The following PDE12 variants were observed in gnomAD, a reference collection of about 807,000 sequenced individuals.
PDE12 encodes phosphodiesterase 12.
A neutral mutation model predicts 45.4 loss-of-function variants in PDE12; 26 were observed. The observed-to-expected ratio is 0.57, with a 90% CI of 0.42 to 0.79. PDE12 has a LOEUF of 0.79. Among genes scored for constraint, PDE12 ranks in the 30% least tolerant of loss-of-function variants. PDE12 has a pLI of 0.00. For missense variants in PDE12, 668 were observed against 790.0 expected, an observed-to-expected ratio of 0.85 and a Z score of 1.85; for synonymous variants, 283 against 323.9, an observed-to-expected ratio of 0.87 and a Z score of 1.36.
the PDE12 span, among the ~76,000 whole-genome samples, chr3:57,624,144 T>C: frequency 6.6e-6 from 1 of 151,614 alleles, no homozygotes; most frequent in Non-Finnish European, 1.5e-5. Flanking sequence ...TGTACCACCA[T>C]GTCTGACTAC....
chr3:57,632,454 GGCCTGA>G, the PDE12 span, among the ~76,000 whole-genome samples: 1 of 152,082 alleles, frequency 6.6e-6, no homozygotes, highest in East Asian at 1.9e-4. Flanking sequence ...CAAAGTGGCA[GGCCTGA>G]GCCACTGTGC....
chr3:57,585,945 A>G, the PDE12 span, among the ~76,000 whole-genome samples: 1 of 152,178 alleles, frequency 6.6e-6, no homozygotes, highest in Admixed American at 6.6e-5. Context: ...TACAGATGTG[A>G]ACCACTGTGT....
chr3:57,609,899 C>T, the PDE12 span, among the ~76,000 whole-genome samples: 2 of 152,102 alleles, frequency 1.3e-5, no homozygotes, highest in Non-Finnish European at 2.9e-5. Context: ...CCAGCATCAT[C>T]CTGATACCAA....
chr3:57,616,515 GAGA>G, the PDE12 span, among the ~76,000 whole-genome samples: 35 of 151,716 alleles, frequency 2.3e-4, no homozygotes, highest in Admixed American at 7.9e-4. Flanking sequence ...AGAGGAAGAG[GAGA>G]AGGAGAAGAA....
chr3:57,652,007 G>A, the PDE12 span, among the ~76,000 whole-genome samples: 2 of 151,828 alleles, frequency 1.3e-5, no homozygotes, highest in Non-Finnish European at 2.9e-5. Context: ...AGACTGGCCT[G>A]GGTAACATAG....
chr3:57,574,018 TG>T, the PDE12 span, among the ~76,000 whole-genome samples: 1 of 152,014 alleles, frequency 6.6e-6, no homozygotes, highest in African/African-American at 2.4e-5. Flanking sequence ...CTCGGCTCAC[TG>T]CAACCTCTGC....
the PDE12 span, among the ~76,000 whole-genome samples, chr3:57,599,409 C>T: frequency 1.3e-5 from 2 of 152,184 alleles, no homozygotes; most frequent in Non-Finnish European, 2.9e-5. Context: ...TTTCCTTTCA[C>T]ACTTTAGGCC....
At chr3:57,581,715 G>T in the PDE12 span, among the ~76,000 whole-genome samples, 2 of 152,086 alleles carry the variant, frequency 1.3e-5, no homozygotes, top group African/African-American at 2.4e-5. Context: ...CAGGAGAATC[G>T]CTTGAACCCA....
At chr3:57,642,313 CAAAAAAAAAAAAA>C in the PDE12 span, among the ~76,000 whole-genome samples, 7 of 67,564 alleles carry the variant, frequency 1.0e-4, no homozygotes, top group African/African-American at 1.5e-4. Flanking sequence ...GACTCTGTCT[CAAAAAAAAAAAAA>C]AAAAAAAAGC....
chr3:57,560,578 G>A lies in PDE12; in HGVS notation c.*574G>A, dbSNP rs2069718658. ...TGACCTCAGGTGATCCACCCACCTC[G>A]GCCTCCCAAAGTGTTGGGATTACAG... is the stretch of plus-strand genomic sequence containing the variant. On this transcript the variant is annotated 3_prime_UTR_variant, in exon 3 of 3. Transcript: ENST00000311180. 3.6e-6 allele frequency: 3 copies of A among 844,264 alleles called. No homozygotes were observed. The highest frequency in any genetic ancestry group is 1.8e-5 in the African/African-American group (1 of 54,384). The allele number at this position is 844,264 out of a possible 1,614,324, so 52.3% of individuals were successfully genotyped here.
chr3:57,628,179 C>T, the PDE12 span: 1 of 1,603,270 alleles, frequency 6.2e-7, no homozygotes, highest in Non-Finnish European at 8.5e-7. Flanking sequence ...CTTCATGATG[C>T]ATAATCCTTT....
chr3:57,586,247 TG>T, the PDE12 span, among the ~76,000 whole-genome samples: 158 of 152,236 alleles, frequency 1.0e-3, no homozygotes, highest in African/African-American at 3.8e-3. Flanking sequence ...CACAGATTTT[TG>T]TATCGATTCA....
At chr3:57,616,842 G>A in the PDE12 span, among the ~76,000 whole-genome samples, 65 of 150,230 alleles carry the variant, frequency 4.3e-4, no homozygotes, top group Non-Finnish European at 5.8e-4. Flanking sequence ...TGGGCAACAC[G>A]GTGAAACTCC....
the PDE12 span, among the ~76,000 whole-genome samples, chr3:57,588,919 A>G: frequency 6.6e-6 from 1 of 152,162 alleles, no homozygotes; most frequent in East Asian, 1.9e-4. Context: ...CCTGACCAAC[A>G]TGGAGAAAGC....
the PDE12 span, among the ~76,000 whole-genome samples, chr3:57,590,415 G>A: frequency 2.6e-5 from 4 of 152,088 alleles, no homozygotes; most frequent in Non-Finnish European, 4.4e-5. Flanking sequence ...GAACCCGGGA[G>A]GCGGAGTCTG....
chr3:57,572,713 G>A, the PDE12 span, among the ~76,000 whole-genome samples: 1 of 152,006 alleles, frequency 6.6e-6, no homozygotes, highest in Non-Finnish European at 1.5e-5. Flanking sequence ...ATTATATTTA[G>A]ACAAGATTTT....
chr3:57,629,768 C>T, the PDE12 span, among the ~76,000 whole-genome samples: 3 of 151,872 alleles, frequency 2.0e-5, no homozygotes, highest in South Asian at 6.2e-4. Context: ...GTGATCCACC[C>T]ACCTCAGCCT....
chr3:57,593,482 G>C, the PDE12 span, among the ~76,000 whole-genome samples: 1 of 151,940 alleles, frequency 6.6e-6, no homozygotes, highest in African/African-American at 2.4e-5. Flanking sequence ...AACATCTCTA[G>C]ACCCCCAAAA....
At chr3:57,645,834 C>A in the PDE12 span, 2 of 1,033,212 alleles carry the variant, frequency 1.9e-6, no homozygotes. Flanking sequence ...AACATCTATA[C>A]AAACGGTATA....
Sources: allele counts gnomAD v4.1 joint callset (sites outside exome capture counted in the v4.1 genomes callset), GRCh38; gene constraint gnomAD v4.1.1; transcripts MANE v1.5; gene names NCBI Gene and HGNC (gene_info 2026-07-23, HGNC 2026-07-21).